Variants in TFIP11 observed in about 807,000 individuals in gnomAD.
The protein encoded by TFIP11 is tuftelin-interacting protein 11.
In TFIP11, 86 loss-of-function variants were observed where a neutral mutation model predicts 96.8. That is an observed-to-expected ratio of 0.89 (90% CI 0.75 to 1.06). The LOEUF is 1.06. TFIP11 is among the 50% of genes least tolerant of loss of function. The pLI, the probability that TFIP11 is intolerant of heterozygous loss-of-function variation, is 0.00. For synonymous variants in TFIP11, 405 were observed against 395.2 expected, an observed-to-expected ratio of 1.02 and a Z score of -0.29; for missense variants, 881 against 1,076.7, an observed-to-expected ratio of 0.82 and a Z score of 2.54.
At chr22:26,499,727 T>G (rs1052876955) in intron 8 of TFIP11, 96 bp from the exon 9 acceptor site, 27 of 1,278,098 alleles carry the variant, frequency 2.1e-5, no homozygotes, top group South Asian at 5.7e-5. Context: ...GGGAAGTGTG[T>G]AGAAACCACA....
At chr22:26,512,220 C>T (rs563689408) in intron 1 of TFIP11, 45 bp from the exon 2 acceptor site, 1 of 152,372 alleles carries the variant, frequency 6.6e-6, no homozygotes, top group Admixed American at 6.5e-5. Flanking sequence ...GAATCCAAGC[C>T]CTAAATCCCA....
rs1922464443 is a variant in TFIP11, at chr22:26,499,295, C to A, written c.1138G>T (p.Val380Leu). ...ISNLSKVLEM[V>L]EECERRMQPD... Reference sequence around the variant, plus strand: ...TGCATCCGCCGCTCGCACTCCTCCACCATCTCCAGGACCTTGCTGAGGTTC... The same window carrying A: ...TGCATCCGCCGCTCGCACTCCTCCAACATCTCCAGGACCTTGCTGAGGTTC... Residue 380 changes from valine (V) to leucine (L), a missense_variant, in exon 9 of 15, where the codon GTG (valine) becomes TTG (leucine). Transcript: ENST00000407690. 1 of 1,613,796 alleles carries A rather than the reference C, an allele frequency of 6.2e-7. No individual in the cohort carries two copies. Among genetic ancestry groups the A allele is most frequent in the Non-Finnish European group, 8.5e-7 (1 of 1,179,884 alleles).
In TFIP11 at chr22:26,494,872, A is replaced by C; in HGVS notation, c.1917T>G (p.Ile639Met). ...AGACAGAGATCATCCCTTCCCAGTCAATCACCCAATAGAATGCATCCATGT... is the reference window on the plus strand; with the variant it reads ...AGACAGAGATCATCCCTTCCCAGTCCATCACCCAATAGAATGCATCCATGT... ...QQHMDAFYWV[I>M]DWEGMISVSS... The change falls in exon 13 of 15, where the codon ATT becomes ATG. Residue 639 changes from isoleucine (I) to methionine (M), a missense_variant. By Grantham distance (10) the Ile-to-Met change is conservative. Coordinates refer to ENST00000407690, the MANE Select transcript of TFIP11 (RefSeq NM_012143.4). The C allele has an allele frequency of 6.2e-7, 1 of 1,614,218 alleles. No homozygotes were observed. Among genetic ancestry groups the C allele is most frequent in the Non-Finnish European group, 8.5e-7 (1 of 1,180,042 alleles).
In TFIP11 at chr22:26,494,312, A is replaced by G. The variant is rs1202709066; in HGVS notation, c.1993-8T>C. 1 of 1,614,240 alleles carries G rather than the reference A, an allele frequency of 6.2e-7. No individual in the cohort carries two copies. Among genetic ancestry groups the G allele is most frequent in the Non-Finnish European group, 8.5e-7 (1 of 1,180,046 alleles). Reference sequence around the variant, plus strand: ...GAGCCAAGAGCACAGCACCTGCCAAAAAGAAAAATTACTTGCATCCATCGT... The same window carrying G: ...GAGCCAAGAGCACAGCACCTGCCAAGAAGAAAAATTACTTGCATCCATCGT... On this transcript the variant is annotated splice_polypyrimidine_tract_variant and splice_region_variant and intron_variant, in intron 13 of 14. Coordinates refer to ENST00000407690, the MANE Select transcript of TFIP11 (RefSeq NM_012143.4).
intron 4 of TFIP11, among the ~76,000 whole-genome samples, chr22:26,508,073 A>G (rs1923634476): frequency 6.6e-6 from 1 of 152,222 alleles, no homozygotes; most frequent in Non-Finnish European, 1.5e-5. Flanking sequence ...ACGCCACTGC[A>G]CACTCCAGCT....
In TFIP11 at chr22:26,499,349, C is replaced by G; in HGVS notation, c.1084G>C (p.Val362Leu). Residue 362 changes from valine to leucine, a missense_variant, in exon 9 of 15, where the codon GTC becomes CTC. Val to Leu is a conservative substitution (Grantham distance 32, BLOSUM62 1). Coordinates refer to ENST00000407690, the MANE Select transcript of TFIP11 (RefSeq NM_012143.4). ...LFHELEKMTE[V>L]LDHEERVISN... The stretch of plus-strand genomic sequence containing the variant: ...ATGACCCGCTCCTCGTGGTCCAGGA[C>G]CTCGGTCATCTTCTCCAGCTCGTGG... The G allele has an allele frequency of 6.2e-7, 1 of 1,614,174 alleles. No individual in the cohort carries two copies. The highest frequency in any genetic ancestry group is 8.5e-7 in the Non-Finnish European group (1 of 1,180,004).
At chr22:26,506,135 A>G (rs1923376599) in intron 6 of TFIP11, 168 bp downstream of exon 6, 4 of 594,608 alleles carry the variant, frequency 6.7e-6, no homozygotes, top group Non-Finnish European at 1.1e-5. Flanking sequence ...ATTTAACTTG[A>G]GCTTTGATAA....
chr22:26,503,875 C>CA (rs1382567008), intron 6 of TFIP11, 82 bp from the exon 7 acceptor site: 36 of 1,550,264 alleles, frequency 2.3e-5, no homozygotes, highest in Non-Finnish European at 3.0e-5. Flanking sequence ...AGTGAAATGA[C>CA]AGTTTCTTGC....
At chr22:26,494,499 C>T (rs2147120390) in intron 13 of TFIP11, 195 bp from the exon 14 acceptor site, 1 of 727,726 alleles carries the variant, frequency 1.4e-6, no homozygotes. Flanking sequence ...AGTGCCCTTG[C>T]ATGTAAACTC....
Position 26,492,230 on chromosome 22 carries a change from G to A in TFIP11, c.2297C>T (p.Ala766Val), listed in dbSNP as rs1472174887. The part of the protein sequence containing the change: ...NMAQRGIGVA[A>V]SSVPMNFKDL... ...CTTAAAGTTCATGGGCACAGAGCTA[G>A]CGGCCACGCCAATGCCCCTCTGAGC... Residue 766 changes from alanine to valine, a missense_variant, in exon 15 of 15, where the codon GCT becomes GTT. Coordinates refer to ENST00000407690, the MANE Select transcript of TFIP11 (RefSeq NM_012143.4). 1.2e-6 allele frequency: 2 copies of A among 1,614,212 alleles called. No individual in the cohort carries two copies. The highest frequency in any genetic ancestry group is 1.7e-5 in the Admixed American group (1 of 60,028).
intron 12 of TFIP11, among the ~76,000 whole-genome samples, chr22:26,495,260 C>CTTTTTTTTT (rs150268332): frequency 2.0e-4 from 12 of 59,176 alleles, no homozygotes; most frequent in Admixed American, 5.8e-4. Flanking sequence ...CAACTCCTGG[C>CTTTTTTTTT]TTTTTTTTTT....
At chr22:26,496,670 C>A (rs774941007) in intron 11 of TFIP11, 51 bp downstream of exon 11, 3 of 1,596,824 alleles carry the variant, frequency 1.9e-6, no homozygotes, top group East Asian at 2.2e-5. Context: ...ACAGACTGAA[C>A]AAGTCCCTGT....
intron 10 of TFIP11, among the ~76,000 whole-genome samples, chr22:26,498,475 G>A (rs1003843657): frequency 1.3e-5 from 2 of 150,686 alleles, no homozygotes; most frequent in Non-Finnish European, 2.9e-5. Context: ...CCAGGCAGTT[G>A]GCGGTTGCAG....
Position 26,492,277 on chromosome 22 carries a change from C to CT in TFIP11, c.2249dup (p.Arg751GlufsTer5). 6.2e-7 allele frequency: 1 copy of CT among 1,614,246 alleles called. No homozygotes were observed. The highest frequency in any genetic ancestry group is 8.5e-7 in the Non-Finnish European group (1 of 1,180,052). On this transcript the variant is annotated frameshift_variant, in exon 15 of 15. Transcript: ENST00000407690. LOFTEE classifies it high-confidence loss of function. ...GAGCCATGTTCTCAGCCTCCCGCCT[C>CT]TCCTGCATGGCCTCGTACTGGAAGT...
rs1923655749 is a variant in TFIP11, at chr22:26,508,231, T to C, written c.210-1303A>G. Among the ~76,000 whole-genome samples the C allele has an allele frequency of 1.3e-5, 2 of 152,190 alleles. 1 individual carries two copies. Among genetic ancestry groups the C allele is most frequent in the South Asian group, 4.1e-4 (2 of 4,836 alleles). On this transcript the variant is annotated intron_variant, in intron 4 of 14. Coordinates refer to ENST00000407690, the MANE Select transcript of TFIP11 (RefSeq NM_012143.4). ...GGAGTTTTTTCCTAAAATTGTAATA[T>C]AACTTAGTGATTTAGATCCCAAACT...
intron 4 of TFIP11, among the ~76,000 whole-genome samples, chr22:26,507,471 T>C (rs904767501): frequency 6.6e-6 from 1 of 150,832 alleles, no homozygotes; most frequent in African/African-American, 2.4e-5. Flanking sequence ...AAAAAAAAAA[T>C]AAATAAAAAT....
At chr22:26,510,019 C>G (rs745815293) in intron 4 of TFIP11, 45 bp downstream of exon 4, 40 of 1,602,024 alleles carry the variant, frequency 2.5e-5, no homozygotes, top group South Asian at 1.3e-4. Flanking sequence ...CATCTTCCCC[C>G]TCTTCCCTAA....
intron 4 of TFIP11, among the ~76,000 whole-genome samples, chr22:26,507,912 C>T (rs1382519099): frequency 1.3e-5 from 2 of 152,164 alleles, no homozygotes; most frequent in Non-Finnish European, 2.9e-5. Context: ...TCAAGACCAG[C>T]TGGGCCAACA....
intron 6 of TFIP11, 159 bp downstream of exon 6, chr22:26,506,144 A>G: frequency 7.6e-6 from 5 of 661,698 alleles, no homozygotes; most frequent in Non-Finnish European, 7.0e-6. Context: ...GAGCTTTGAT[A>G]AAGCAAGGTA....
Sources: gnomAD v4.1 joint callset for allele counts (sites outside exome capture counted in the v4.1 genomes callset) on GRCh38, gnomAD v4.1.1 for gene constraint, MANE v1.5 for transcripts, NCBI Gene and HGNC (gene_info 2026-07-23, HGNC 2026-07-21) for gene names.